The following KRTAP16-1 variants were observed in gnomAD, a reference collection of about 807,000 sequenced individuals.
The protein encoded by KRTAP16-1 is keratin associated protein 16-1.
For missense variants in KRTAP16-1, 675 were observed against 657.7 expected (o/e 1.03, Z -0.29); for synonymous variants, 262 against 248.0 (o/e 1.06, Z -0.53).
At position 41,308,601 on chromosome 17, in the gene KRTAP16-1, G is replaced by T; in HGVS notation, c.653C>A (p.Ser218Tyr). ...CCSAVCTLPS[S>Y]CQPVVCEPSC... ...AGGCTCACAGACCACAGGTTGGCAG[G>T]AACTAGGCAGGGTGCAGACAGCTGA... The change falls in exon 1 of 1, where the codon TCC becomes TAC. Residue 218 changes from serine (S) to tyrosine (Y), a missense_variant. By Grantham distance (144) the Ser-to-Tyr change is moderately radical (BLOSUM62 -2). Coordinates refer to ENST00000391352, the MANE Select transcript of KRTAP16-1 (RefSeq NM_001146182.2). 6.4e-7 allele frequency: 1 copy of T among 1,550,828 alleles called. No individual in the cohort carries two copies. The highest frequency in any genetic ancestry group is 8.7e-7 in the Non-Finnish European group (1 of 1,147,064).
Position 41,309,109 on chromosome 17 carries a change from A to C in KRTAP16-1, c.145T>G (p.Cys49Gly). The C allele has an allele frequency of 6.4e-7, 1 of 1,550,650 alleles. No individual in the cohort carries two copies. The highest frequency in any genetic ancestry group is 1.4e-5 in the African/African-American group (1 of 73,198). Residue 49 changes from cysteine (C) to glycine (G), a missense_variant, in exon 1 of 1, where the codon TGT becomes GGT. Cys to Gly is a radical substitution (Grantham distance 159). Coordinates refer to ENST00000391352, the MANE Select transcript of KRTAP16-1 (RefSeq NM_001146182.2). The stretch of plus-strand genomic sequence containing the variant: ...TGTGGCCCACAGCTGGATGATCCAC[A>C]GCTGTCTTGACAAGTCACCAGCTGC... ...TWQLVTCQDS[C>G]GSSSCGPQCR...
Position 41,308,737 on chromosome 17 carries a change from C to G in KRTAP16-1, c.517G>C (p.Gly173Arg), listed in dbSNP as rs1361931894. 1 of 1,550,620 alleles carries G rather than the reference C, an allele frequency of 6.4e-7. No individual in the cohort carries two copies. Among genetic ancestry groups the G allele is most frequent in the South Asian group, 1.2e-5 (1 of 84,064 alleles). ...GGTTGGCAGGAAGTGGCTTCAGAGC[C>G]TACAGGCTGGCAGCAGCTGCTCACG... ...CSVSSCCQPV[G>R]SEATSCQPVL... The change falls in exon 1 of 1, where the codon GGC (glycine) becomes CGC (arginine). Residue 173 changes from glycine (G) to arginine (R), a missense_variant. Physicochemically the swap from Gly to Arg is moderately radical, Grantham distance 125. Transcript: ENST00000391352.
chr17:41,308,699 C>T lies in KRTAP16-1; in HGVS notation c.555G>A (p.Val185=), dbSNP rs1459120972. ...EATSCQPVLC[V]PTSCQPVLCK... ...AGAGGACAGGCTGGCAGGAAGTGGG[C>T]ACACAGAGGACTGGTTGGCAGGAAG... Residue 185 remains valine (V), a synonymous_variant, in exon 1 of 1, where the codon GTG becomes GTA. Coordinates refer to ENST00000391352, the MANE Select transcript of KRTAP16-1 (RefSeq NM_001146182.2). 1.3e-6 allele frequency: 2 copies of T among 1,550,662 alleles called. No homozygotes were observed. The highest frequency in any genetic ancestry group is 1.2e-5 in the South Asian group (1 of 84,062).
In KRTAP16-1 at chr17:41,309,063, G is replaced by A. The variant is rs114409193; in HGVS notation, c.191C>T (p.Pro64Leu). The A allele has an allele frequency of 6.2e-4, 960 of 1,550,672 alleles. 8 individuals carry two copies. The African/African-American group carries it at 0.012, about 19-fold the overall frequency. Residue 64 changes from proline to leucine, a missense_variant, in exon 1 of 1, where the codon CCT (proline) becomes CTT (leucine). Physicochemically the swap from Pro to Leu is moderately conservative, Grantham distance 98 (BLOSUM62 -3). Coordinates refer to ENST00000391352, the MANE Select transcript of KRTAP16-1 (RefSeq NM_001146182.2). ...CAGGGGTTGGGCACAGCTACTCACA[G>A]GACAGGAGGGCTGACGGCACTGTGG... ...CGPQCRQPSC[P>L]VSSCAQPLCC...
chr17:41,308,788 G>T lies in KRTAP16-1; in HGVS notation c.466C>A (p.Pro156Thr). ...GAGCAAGAAGGCTCACAAATAGCAG[G>T]CTCACAGCACACAGGTTGAGCACAG... is the stretch of plus-strand genomic sequence containing the variant. Reference protein sequence around the residue: ...SSCAQPVCCEPAICEPSCSVS... With the variant: ...SSCAQPVCCETAICEPSCSVS... The change falls in exon 1 of 1, where the codon CCT (proline) becomes ACT (threonine). Residue 156 changes from proline to threonine, a missense_variant. Physicochemically the swap from Pro to Thr is conservative, Grantham distance 38. Coordinates refer to ENST00000391352, the MANE Select transcript of KRTAP16-1 (RefSeq NM_001146182.2). 1.3e-6 allele frequency: 2 copies of T among 1,550,480 alleles called. No individual in the cohort carries two copies. Among genetic ancestry groups the T allele is most frequent in the Non-Finnish European group, 8.7e-7 (1 of 1,146,964 alleles).
rs1305155828 is a variant in KRTAP16-1, at chr17:41,308,279, C to T, written c.975G>A (p.Val325=). Residue 325 remains valine, a synonymous_variant, in exon 1 of 1, where the codon GTG becomes GTA. Coordinates refer to ENST00000391352, the MANE Select transcript of KRTAP16-1 (RefSeq NM_001146182.2). ...AGCAAGTAGGTTGGCATGGACTGGA[C>T]ACACAGACAGCTGGTGAGCAGGGGC... is the stretch of plus-strand genomic sequence containing the variant. ...EPSPCSPAVC[V]SSPCQPTCYV... is the part of the protein sequence containing the mutation. 6.4e-7 allele frequency: 1 copy of T among 1,550,758 alleles called. No homozygotes were observed. Among genetic ancestry groups the T allele is most frequent in the East Asian group, 2.4e-5 (1 of 40,920 alleles).
chr17:41,308,847 G>A lies in KRTAP16-1; in HGVS notation c.407C>T (p.Ala136Val), dbSNP rs1169113525. Residue 136 changes from alanine (A) to valine (V), a missense_variant, in exon 1 of 1, where the codon GCC (alanine) becomes GTC (valine). By Grantham distance (64) the Ala-to-Val change is moderately conservative. Coordinates refer to ENST00000391352, the MANE Select transcript of KRTAP16-1 (RefSeq NM_001146182.2). ...GGAACAAGAAGGCTCACAAACGGTG[G>A]CCTCAAAGCACACAGGTTGGCAGCA... ...SNCCQPVCFEATVCEPSCSVS... is the reference protein window; with the variant it reads ...SNCCQPVCFEVTVCEPSCSVS... 4 of 1,541,676 alleles carry A rather than the reference G, an allele frequency of 2.6e-6. No homozygotes were observed. The highest frequency in any genetic ancestry group is 3.5e-6 in the Non-Finnish European group (4 of 1,140,438).
In KRTAP16-1 at chr17:41,308,915, G is replaced by A. The variant is rs2016946929; in HGVS notation, c.339C>T (p.Cys113=). ...AAGGCTCACAGATGGTGGCCTCGAA[G>A]CACACAGGTTGGTAGCAGTTGCTCA... ...CSVSNCYQPV[C]FEATICEPSC... The change falls in exon 1 of 1, where the codon TGC becomes TGT. Residue 113 remains cysteine (C), a synonymous_variant. Transcript: ENST00000391352. The A allele has an allele frequency of 6.4e-7, 1 of 1,550,408 alleles. No homozygotes were observed. The highest frequency in any genetic ancestry group is 8.7e-7 in the Non-Finnish European group (1 of 1,146,934).
In KRTAP16-1 at chr17:41,309,055, T is replaced by C; in HGVS notation, c.199A>G (p.Ser67Gly). The C allele has an allele frequency of 6.4e-7, 1 of 1,550,670 alleles. No homozygotes were observed. Among genetic ancestry groups the C allele is most frequent in the Non-Finnish European group, 8.7e-7 (1 of 1,146,994 alleles). The change falls in exon 1 of 1, where the codon AGC becomes GGC. Residue 67 changes from serine (S) to glycine (G), a missense_variant. Coordinates refer to ENST00000391352, the MANE Select transcript of KRTAP16-1 (RefSeq NM_001146182.2). ...QCRQPSCPVS[S>G]CAQPLCCDPV... is the part of the protein sequence containing the mutation. ...TCACAGCACAGGGGTTGGGCACAGCTACTCACAGGACAGGAGGGCTGACGG... is the reference window on the plus strand; with the variant it reads ...TCACAGCACAGGGGTTGGGCACAGCCACTCACAGGACAGGAGGGCTGACGG...
chr17:41,308,089 C>T lies in KRTAP16-1; in HGVS notation c.1165G>A (p.Ala389Thr). ...GAGACCGGGCGGTAGGAAATCGTAG[C>T]ACTGCAAGGCCGTTTGCTGGAACTG... ...IPSSSKRPCS[A>T]TISYRPVSRP... is the part of the protein sequence containing the mutation. The change falls in exon 1 of 1, where the codon GCT (alanine) becomes ACT (threonine). Residue 389 changes from alanine (A) to threonine (T), a missense_variant. Coordinates refer to ENST00000391352, the MANE Select transcript of KRTAP16-1 (RefSeq NM_001146182.2). 6.4e-7 allele frequency: 1 copy of T among 1,550,568 alleles called. No homozygotes were observed. The highest frequency in any genetic ancestry group is 8.7e-7 in the Non-Finnish European group (1 of 1,146,990).
rs1385636411 is a variant in KRTAP16-1 at position 41,308,713 on chromosome 17, G to C, written c.541C>G (p.Pro181Ala). The change falls in exon 1 of 1, where the codon CCA becomes GCA. Residue 181 changes from proline to alanine, a missense_variant. Physicochemically the swap from Pro to Ala is conservative, Grantham distance 27. Coordinates refer to ENST00000391352, the MANE Select transcript of KRTAP16-1 (RefSeq NM_001146182.2). ...CAGGAAGTGGGCACACAGAGGACTGGTTGGCAGGAAGTGGCTTCAGAGCCT... is the reference window on the plus strand; with the variant it reads ...CAGGAAGTGGGCACACAGAGGACTGCTTGGCAGGAAGTGGCTTCAGAGCCT... ...PVGSEATSCQ[P>A]VLCVPTSCQP... The C allele has an allele frequency of 1.3e-6, 2 of 1,550,712 alleles. No homozygotes were observed. The highest frequency in any genetic ancestry group is 1.2e-5 in the South Asian group (1 of 84,060).
chr17:41,307,724 A>G lies in KRTAP16-1; in HGVS notation c.1530T>C (p.Ala510=). 6.5e-7 allele frequency: 1 copy of G among 1,531,698 alleles called. No homozygotes were observed. Among genetic ancestry groups the G allele is most frequent in the Non-Finnish European group, 8.8e-7 (1 of 1,137,634 alleles). The allele number at this position is 1,531,698 out of a possible 1,614,324, so 94.9% of individuals were successfully genotyped here. The change falls in exon 1 of 1, where the codon GCT becomes GCC. Residue 510 remains alanine, a synonymous_variant. Coordinates refer to ENST00000391352, the MANE Select transcript of KRTAP16-1 (RefSeq NM_001146182.2). Reference sequence around the variant, plus strand: ...TTTAGCAGTTGGCAGGCTTGCTGGCAGCAGGCTGAGCTGCTGCGGCCTCAC... The same window carrying G: ...TTTAGCAGTTGGCAGGCTTGCTGGCGGCAGGCTGAGCTGCTGCGGCCTCAC... ...TTREAAAAQP[A]ASKPANC
In KRTAP16-1 at chr17:41,309,069, G is replaced by A. The variant is rs956368859; in HGVS notation, c.185C>T (p.Ser62Phe). The A allele has an allele frequency of 6.4e-7, 1 of 1,550,678 alleles. No homozygotes were observed. Among genetic ancestry groups the A allele is most frequent in the Non-Finnish European group, 8.7e-7 (1 of 1,147,010 alleles). The change falls in exon 1 of 1, where the codon TCC becomes TTC. Residue 62 changes from serine (S) to phenylalanine (F), a missense_variant. Coordinates refer to ENST00000391352, the MANE Select transcript of KRTAP16-1 (RefSeq NM_001146182.2). ...TTGGGCACAGCTACTCACAGGACAG[G>A]AGGGCTGACGGCACTGTGGCCCACA... ...SSCGPQCRQP[S>F]CPVSSCAQPL...
In KRTAP16-1 at chr17:41,308,489, C is replaced by T. The variant is rs1185714437; in HGVS notation, c.765G>A (p.Glu255=). ...QAVCCDPSPC[E]PSCSESSICQ... ...AGATGCTAGACTCTGAGCAACTTGG[C>T]TCACAAGGGCTGGGGTCACAGCAGA... Residue 255 remains glutamate (E), a synonymous_variant, in exon 1 of 1, where the codon GAG becomes GAA. Coordinates refer to ENST00000391352, the MANE Select transcript of KRTAP16-1 (RefSeq NM_001146182.2). 1.3e-6 allele frequency: 2 copies of T among 1,550,408 alleles called. No individual in the cohort carries two copies. Among genetic ancestry groups the T allele is most frequent in the South Asian group, 1.2e-5 (1 of 84,050 alleles).
In KRTAP16-1 at chr17:41,308,693, A is replaced by C. The variant is rs2016941707; in HGVS notation, c.561T>G (p.Thr187=). 1 of 1,550,680 alleles carries C rather than the reference A, an allele frequency of 6.4e-7. No individual in the cohort carries two copies. Among genetic ancestry groups the C allele is most frequent in the African/African-American group, 1.4e-5 (1 of 73,162 alleles). The change falls in exon 1 of 1, where the codon ACT becomes ACG. Residue 187 remains threonine, a synonymous_variant. Transcript: ENST00000391352. ...ATTTGCAGAGGACAGGCTGGCAGGA[A>C]GTGGGCACACAGAGGACTGGTTGGC... is the stretch of plus-strand genomic sequence containing the variant. ...TSCQPVLCVP[T]SCQPVLCKSS...
rs1238196305 is a variant in KRTAP16-1 at position 41,309,177 on chromosome 17, C to T, written c.77G>A (p.Gly26Glu). 2 of 1,550,588 alleles carry T rather than the reference C, an allele frequency of 1.3e-6. No homozygotes were observed. The highest frequency in any genetic ancestry group is 3.9e-5 in the Admixed American group (2 of 51,010). The change falls in exon 1 of 1, where the codon GGA (glycine) becomes GAA (glutamate). Residue 26 changes from glycine (G) to glutamate (E), a missense_variant. By Grantham distance (98) the Gly-to-Glu change is moderately conservative. Coordinates refer to ENST00000391352, the MANE Select transcript of KRTAP16-1 (RefSeq NM_001146182.2). ...GGAACTGGGCAGGCAGATGGGGCCTCCACAGCTCACCTCAGTGGAGCAGAG... is the reference window on the plus strand; with the variant it reads ...GGAACTGGGCAGGCAGATGGGGCCTTCACAGCTCACCTCAGTGGAGCAGAG... The part of the protein sequence containing the change: ...TSLCSTEVSC[G>E]GPICLPSSCQ...
In KRTAP16-1 at chr17:41,308,468, GCTAGACT is replaced by G; in HGVS notation, c.779_785del (p.Glu260AlafsTer74). The G allele has an allele frequency of 3.2e-6, 5 of 1,550,374 alleles. No homozygotes were observed. The highest frequency in any genetic ancestry group is 3.5e-6 in the Non-Finnish European group (4 of 1,146,742). Reference sequence around the variant, plus strand: ...CCACACACGTAGCTGGCTGGCAGATGCTAGACTCTGAGCAACTTGGCTCACAAGGGCT... The same window carrying G: ...CCACACACGTAGCTGGCTGGCAGATGCTGAGCAACTTGGCTCACAAGGGCT... On this transcript the variant is annotated frameshift_variant, in exon 1 of 1. Transcript: ENST00000391352. LOFTEE classifies it low-confidence loss of function (END_TRUNC).
In KRTAP16-1 at chr17:41,308,185, G is replaced by T. The variant is rs72828116; in HGVS notation, c.1069C>A (p.Leu357Ile). Residue 357 changes from leucine (L) to isoleucine (I), a missense_variant, in exon 1 of 1, where the codon CTT becomes ATT. Transcript: ENST00000391352. ...VSCPSTSCRP[L>I]SCSPGSSASA... ...GCAGAAGACCCTGGACTGCAGGAAA[G>T]AGGTCGGCAGGAGGTAGATGGGCAG... is the stretch of plus-strand genomic sequence containing the variant. The T allele has an allele frequency of 3.0e-3, 4,680 of 1,550,574 alleles. 25 individuals are homozygous for T. Among genetic ancestry groups the T allele is most frequent in the Non-Finnish European group, 2.5e-3 (2,818 of 1,147,000 alleles).
At position 41,309,215 on chromosome 17, in the gene KRTAP16-1, C is replaced by G. The variant is rs2016952408; in HGVS notation, c.39G>C (p.Val13=). Residue 13 remains valine, a synonymous_variant, in exon 1 of 1, where the codon GTG becomes GTC. Transcript: ENST00000391352. Reference sequence around the variant, plus strand: ...CAGTGGAGCAGAGAGAGGTGGCTGGCACGGAGAAGCATTTCCTAGAAGAGC... The same window carrying G: ...CAGTGGAGCAGAGAGAGGTGGCTGGGACGGAGAAGCATTTCCTAGAAGAGC... ...GSCSSRKCFS[V]PATSLCSTEV... is the part of the protein sequence containing the mutation. 1 of 1,541,902 alleles carries G rather than the reference C, an allele frequency of 6.5e-7. No homozygotes were observed. Among genetic ancestry groups the G allele is most frequent in the Admixed American group, 2.0e-5 (1 of 50,292 alleles).
Sources: gnomAD v4.1 joint callset for allele counts on GRCh38, gnomAD v4.1.1 for gene constraint, MANE v1.5 for transcripts, NCBI Gene and HGNC (gene_info 2026-07-23, HGNC 2026-07-21) for gene names.